The following EHBP1 variants were observed in gnomAD, a reference collection of about 807,000 sequenced individuals.
EHBP1 encodes EH domain-binding protein 1.
A neutral mutation model predicts 144.0 loss-of-function variants in EHBP1; 55 were observed. The observed-to-expected ratio is 0.38, with a 90% CI of 0.31 to 0.48. The LOEUF (loss-of-function observed/expected upper bound fraction) is 0.48, where lower values mean the gene tolerates loss of function less well. EHBP1 is among the 20% of genes least tolerant of loss of function. The pLI, the probability that EHBP1 is intolerant of heterozygous loss-of-function variation, is 0.98. For synonymous variants in EHBP1, 469 were observed against 472.7 expected, an observed-to-expected ratio of 0.99 and a Z score of 0.10; for missense variants, 1,200 against 1,364.2, an observed-to-expected ratio of 0.88 and a Z score of 1.90.
chr2:63,016,556 G>A (rs767083369), intron 19 of EHBP1, among the ~76,000 whole-genome samples: 1 of 151,588 alleles, frequency 6.6e-6, no homozygotes, highest in African/African-American at 2.4e-5. Flanking sequence ...TCAGCCCCCC[G>A]AGTACCTGGG....
At chr2:63,003,108 A>G (rs2059911631) in intron 19 of EHBP1, among the ~76,000 whole-genome samples, 1 of 152,062 alleles carries the variant, frequency 6.6e-6, no homozygotes, top group African/African-American at 2.4e-5. Context: ...TAAGATATAA[A>G]TTCTGTTAGT....
intron 10 of EHBP1, among the ~76,000 whole-genome samples, chr2:62,900,538 T>C (rs1361136694): frequency 6.6e-6 from 1 of 151,776 alleles, no homozygotes; most frequent in Non-Finnish European, 1.5e-5. Context: ...GGAGGATCAC[T>C]TGAGATCAGG....
intron 10 of EHBP1, among the ~76,000 whole-genome samples, chr2:62,931,496 A>G (rs1014692831): frequency 6.6e-6 from 1 of 152,204 alleles, no homozygotes; most frequent in Non-Finnish European, 1.5e-5. Context: ...AAAAAATTAA[A>G]AATAGAGTTA....
At chr2:62,768,914 C>T (rs185489216) in intron 4 of EHBP1, among the ~76,000 whole-genome samples, 10 of 152,224 alleles carry the variant, frequency 6.6e-5, no homozygotes, top group Admixed American at 3.3e-4. Context: ...AGATAAAAAC[C>T]ACATGATTAT....
At chr2:62,890,391 T>C (rs919378743) in intron 10 of EHBP1, among the ~76,000 whole-genome samples, 3 of 152,230 alleles carry the variant, frequency 2.0e-5, no homozygotes, top group Non-Finnish European at 4.4e-5. Context: ...TTTTTCCATT[T>C]GTTTGTATCA....
At chr2:62,778,975 A>C (rs1245445692) in intron 5 of EHBP1, among the ~76,000 whole-genome samples, 1 of 152,128 alleles carries the variant, frequency 6.6e-6, no homozygotes, top group East Asian at 1.9e-4. Context: ...TGTAGCTCCA[A>C]ACTGGGATTA....
intron 3 of EHBP1, among the ~76,000 whole-genome samples, chr2:62,753,118 A>G (rs1426496737): frequency 6.6e-6 from 1 of 152,132 alleles, no homozygotes; most frequent in Non-Finnish European, 1.5e-5. Context: ...ACAATTTGGC[A>G]TGTTTTTACA....
chr2:62,695,552 T>C (rs935420471), intron 1 of EHBP1, among the ~76,000 whole-genome samples: 4 of 152,186 alleles, frequency 2.6e-5, no homozygotes, highest in Admixed American at 6.5e-5. Context: ...AATTGATTTA[T>C]TTGGGGGAGA....
At chr2:62,833,573 A>G (rs2046983688) in intron 7 of EHBP1, among the ~76,000 whole-genome samples, 1 of 152,190 alleles carries the variant, frequency 6.6e-6, no homozygotes, top group Non-Finnish European at 1.5e-5. Context: ...GACCTGCCGT[A>G]CAGAAAAAAG....
intron 1 of EHBP1, among the ~76,000 whole-genome samples, chr2:62,687,296 C>G (rs2033749000): frequency 6.6e-6 from 1 of 152,148 alleles, no homozygotes; most frequent in Admixed American, 6.5e-5. Flanking sequence ...AGGCATTTTT[C>G]CTATTGATGG....
At chr2:62,994,844 A>G (rs2059567085) in intron 18 of EHBP1, among the ~76,000 whole-genome samples, 1 of 152,148 alleles carries the variant, frequency 6.6e-6, no homozygotes, top group Admixed American at 6.6e-5. Context: ...CAGCTCACTA[A>G]TAATCCTGAT....
At chr2:62,697,249 A>G (rs1292574396) in intron 1 of EHBP1, among the ~76,000 whole-genome samples, 1 of 152,250 alleles carries the variant, frequency 6.6e-6, no homozygotes, top group African/African-American at 2.4e-5. Context: ...TATTCAGTAA[A>G]TCATAAAAAT....
At chr2:62,985,071 A>G (rs772774097) in intron 15 of EHBP1, among the ~76,000 whole-genome samples, 1 of 152,046 alleles carries the variant, frequency 6.6e-6, no homozygotes, top group African/African-American at 2.4e-5. Flanking sequence ...CCCAACATCC[A>G]GTTGATTTCC....
chr2:62,693,795 G>A (rs1247309479), intron 1 of EHBP1, among the ~76,000 whole-genome samples: 2 of 151,810 alleles, frequency 1.3e-5, no homozygotes, highest in African/African-American at 4.8e-5. Flanking sequence ...CCCAACCTTG[G>A]GCTACTACCA....
intron 13 of EHBP1, 61 bp from the exon 14 acceptor site, chr2:62,955,456 T>C (rs2057637597): frequency 1.3e-6 from 2 of 1,515,370 alleles, no homozygotes; most frequent in African/African-American, 2.8e-5. Flanking sequence ...CTTTCATTAG[T>C]TTACAAATGT....
At chr2:62,937,888 C>T (rs773872102) in intron 10 of EHBP1, among the ~76,000 whole-genome samples, 2 of 152,010 alleles carry the variant, frequency 1.3e-5, no homozygotes, top group African/African-American at 4.8e-5. Flanking sequence ...GACTTTAAGC[C>T]GTGCTTTAAG....
chr2:62,780,431 T>TA (rs2152410919), intron 5 of EHBP1, among the ~76,000 whole-genome samples: 1 of 152,234 alleles, frequency 6.6e-6, no homozygotes, highest in South Asian at 2.1e-4. Context: ...AACTAAATCT[T>TA]ACTTTGGTTG....
intron 19 of EHBP1, among the ~76,000 whole-genome samples, chr2:63,010,173 G>A (rs955257966): frequency 1.1e-4 from 17 of 150,598 alleles, no homozygotes; most frequent in African/African-American, 3.9e-4. Context: ...ATACTACCAC[G>A]TAACTATAAA....
At position 62,948,251 on chromosome 2, in the gene EHBP1, C is replaced by T; in HGVS notation, c.1414-9C>T. 6.5e-7 allele frequency: 1 copy of T among 1,529,222 alleles called. No individual in the cohort carries two copies. Among genetic ancestry groups the T allele is most frequent in the Admixed American group, 2.2e-5 (1 of 46,494 alleles). 94.7% of individuals were successfully genotyped at this position (1,529,222 alleles called of 1,614,324 possible). Reference sequence around the variant, plus strand: ...TTCAATATATCTTTTGTTTTTCCTTCCTTTGAAGGCATACGATGGATTTGC... The same window carrying T: ...TTCAATATATCTTTTGTTTTTCCTTTCTTTGAAGGCATACGATGGATTTGC... On this transcript the variant is annotated splice_polypyrimidine_tract_variant and intron_variant, in intron 12 of 22. Coordinates refer to ENST00000431489, the MANE Select transcript of EHBP1 (RefSeq NM_001142616.3).
Sources: allele counts gnomAD v4.1 joint callset (sites outside exome capture counted in the v4.1 genomes callset), GRCh38; gene constraint gnomAD v4.1.1; transcripts MANE v1.5; gene names NCBI Gene and HGNC (gene_info 2026-07-23, HGNC 2026-07-21).